Variants in SFSWAP observed in about 807,000 individuals in gnomAD.
The protein encoded by SFSWAP is splicing factor, suppressor of white-apricot homolog.
In SFSWAP, 17 loss-of-function variants were observed where a neutral mutation model predicts 100.7. That is an observed-to-expected ratio of 0.17 (90% CI 0.12 to 0.25). The LOEUF (loss-of-function observed/expected upper bound fraction) is 0.25, where lower values mean the gene tolerates loss of function less well. Ranked by LOEUF, SFSWAP falls within the 10% of genes least tolerant of loss-of-function variation. The probability of loss-of-function intolerance (pLI) is 1.00; values close to 1 mark genes in which losing one functional copy is unlikely to be tolerated. For missense variants in SFSWAP, 1,005 were observed against 1,262.6 expected, an observed-to-expected ratio of 0.80 and a Z score of 3.09; for synonymous variants, 504 against 510.1, an observed-to-expected ratio of 0.99 and a Z score of 0.16.
chr12:131,735,372 G>T (rs549285004), intron 7 of SFSWAP, among the ~76,000 whole-genome samples: 1 of 152,066 alleles, frequency 6.6e-6, no homozygotes, highest in East Asian at 1.9e-4. Flanking sequence ...GTACCATTAG[G>T]GTATTAATTT....
At chr12:131,791,273 C>A (rs141092822) in intron 15 of SFSWAP, among the ~76,000 whole-genome samples, 2 of 152,136 alleles carry the variant, frequency 1.3e-5, no homozygotes, top group African/African-American at 4.8e-5. Context: ...CCTGTAATCC[C>A]AGCTACTCGG....
chr12:131,714,011 C>T lies in SFSWAP; in HGVS notation c.219-60C>T, dbSNP rs926761373. On this transcript the variant is annotated intron_variant, in intron 1 of 17. Transcript: ENST00000261674. This position sits in a 1 kb window ranked among gnomAD's most constrained non-coding sequence, Gnocchi z 6.0. ...ATATATATACATATATAAAACATCA[C>T]ACACGCACACCAGTCTAGACGTTAA... The T allele has an allele frequency of 3.1e-6, 4 of 1,279,224 alleles. No homozygotes were observed. The highest frequency in any genetic ancestry group is 1.5e-5 in the African/African-American group (1 of 68,018). The allele number at this position is 1,279,224 out of a possible 1,614,324, so 79.2% of individuals were successfully genotyped here.
rs1429942229 is a variant in SFSWAP at position 131,799,126 on chromosome 12, C to T, written c.2790+17C>T. On this transcript the variant is annotated intron_variant, in intron 17 of 17. Transcript: ENST00000261674. ...ATCACTCAGGTCAGTGGGCACGCCC[C>T]CCTCCCGCTCCCAGCCTTTCATCAA... 6 of 1,595,352 alleles carry T rather than the reference C, an allele frequency of 3.8e-6. No individual in the cohort carries two copies. Among genetic ancestry groups the T allele is most frequent in the Non-Finnish European group, 5.2e-6 (6 of 1,163,144 alleles).
In SFSWAP at chr12:131,727,347, C is replaced by T. The variant is rs192978104; in HGVS notation, c.945+295C>T. ...GTTCCAAGTAGAGTGTTGGTTAAGA[C>T]TTGAAAATTGTTTTGTTGTGCGGGT... is the stretch of plus-strand genomic sequence containing the variant. On this transcript the variant is annotated intron_variant, in intron 6 of 17. Coordinates refer to ENST00000261674, the MANE Select transcript of SFSWAP (RefSeq NM_004592.4). 8.1e-3 allele frequency among the ~76,000 whole-genome samples: 1,228 copies of T among 152,258 alleles called. 50 individuals carry two copies. The highest frequency in any genetic ancestry group is 0.018 in the East Asian group (92 of 5,168).
intron 7 of SFSWAP, among the ~76,000 whole-genome samples, chr12:131,728,904 A>G (rs536347401): frequency 6.6e-6 from 1 of 152,190 alleles, no homozygotes; most frequent in Admixed American, 6.5e-5. Flanking sequence ...TATGTTGCCC[A>G]GGCTGGTCTC....
chr12:131,719,180 C>T (rs148569994), intron 3 of SFSWAP, among the ~76,000 whole-genome samples: 222 of 152,254 alleles, frequency 1.5e-3, no homozygotes, highest in Admixed American at 2.2e-3. Context: ...CAGTCCCCTG[C>T]GTATACCAAG....
chr12:131,753,439 T>TG (rs1266986652), intron 8 of SFSWAP, 76 bp downstream of exon 8: 1 of 1,503,476 alleles, frequency 6.7e-7, no homozygotes, highest in Non-Finnish European at 8.9e-7. Flanking sequence ...TGTGTCTCCA[T>TG]GGGGGGCTTG....
chr12:131,759,789 G>A (rs1449434004), intron 11 of SFSWAP, among the ~76,000 whole-genome samples: 4 of 149,778 alleles, frequency 2.7e-5, no homozygotes, highest in East Asian at 1.9e-4. Context: ...GTGACAGAGC[G>A]AGACTCCGTC....
chr12:131,791,641 A>C (rs1026228138), intron 15 of SFSWAP, among the ~76,000 whole-genome samples: 2 of 151,956 alleles, frequency 1.3e-5, no homozygotes, highest in East Asian at 3.9e-4. Flanking sequence ...AATCCCAGCT[A>C]CCTGGGAGGC....
chr12:131,776,829 A>AAGTGAGGAGAG (rs1884062872), intron 13 of SFSWAP, among the ~76,000 whole-genome samples: 1 of 152,234 alleles, frequency 6.6e-6, no homozygotes, highest in Admixed American at 6.5e-5. Context: ...AATTCACTTG[A>AAGTGAGGAGAG]AGTGAGGAGA....
intron 11 of SFSWAP, among the ~76,000 whole-genome samples, chr12:131,763,072 C>A (rs760982350): frequency 3.9e-5 from 6 of 152,046 alleles, no homozygotes; most frequent in Non-Finnish European, 8.8e-5. Context: ...TTGTGTGTGC[C>A]CTGTCCCCTG....
intron 9 of SFSWAP, 77 bp from the exon 10 acceptor site, chr12:131,755,309 C>A: frequency 1.0e-6 from 1 of 982,746 alleles, no homozygotes; most frequent in Non-Finnish European, 1.6e-6. Flanking sequence ...CAGTAAAGAG[C>A]TAGGAGAACA....
Position 131,725,362 on chromosome 12 carries a change from A to G in SFSWAP, c.607-43A>G. 1.3e-6 allele frequency: 2 copies of G among 1,507,388 alleles called. No individual in the cohort carries two copies. The highest frequency in any genetic ancestry group is 1.8e-6 in the Non-Finnish European group (2 of 1,085,352). 93.4% of individuals were successfully genotyped at this position (1,507,388 alleles called of 1,614,324 possible). On this transcript the variant is annotated intron_variant, in intron 4 of 17. Coordinates refer to ENST00000261674, the MANE Select transcript of SFSWAP (RefSeq NM_004592.4). This position sits in a 1 kb window ranked among gnomAD's most constrained non-coding sequence, Gnocchi z 4.3. ...TAATGAAATCACGTGGCCGGTGGACAAGAGGACAAATGGGTGACGTGAATA... is the reference window on the plus strand; with the variant it reads ...TAATGAAATCACGTGGCCGGTGGACGAGAGGACAAATGGGTGACGTGAATA...
At chr12:131,744,803 C>T (rs1028975069) in intron 7 of SFSWAP, among the ~76,000 whole-genome samples, 4 of 152,194 alleles carry the variant, frequency 2.6e-5, no homozygotes, top group Non-Finnish European at 5.9e-5. Context: ...CTTAACAGTT[C>T]CACATGGCTG....
At chr12:131,758,686 C>T (rs1214059542) in intron 11 of SFSWAP, among the ~76,000 whole-genome samples, 1 of 152,220 alleles carries the variant, frequency 6.6e-6, no homozygotes, top group African/African-American at 2.4e-5. Context: ...GTGGCTCACG[C>T]CCATAATGCC....
intron 4 of SFSWAP, among the ~76,000 whole-genome samples, chr12:131,722,646 A>G (rs1420377683): frequency 6.6e-6 from 1 of 152,072 alleles, no homozygotes; most frequent in Non-Finnish European, 1.5e-5. Flanking sequence ...CTCTCAGTTA[A>G]TACTCAAAAT....
chr12:131,750,157 C>T (rs559208921), intron 7 of SFSWAP, among the ~76,000 whole-genome samples: 21 of 152,218 alleles, frequency 1.4e-4, no homozygotes, highest in East Asian at 1.2e-3. Context: ...ATGGATCTGA[C>T]GTCCTCCCTT....
intron 1 of SFSWAP, chr12:131,713,068 A>G (rs986640968): frequency 1.3e-5 from 2 of 152,160 alleles, no homozygotes; most frequent in African/African-American, 4.8e-5. Context: ...TTTCCTGTAA[A>G]TGTCTTTTTT....
chr12:131,775,393 C>T (rs1883937883), intron 13 of SFSWAP, among the ~76,000 whole-genome samples: 2 of 152,192 alleles, frequency 1.3e-5, no homozygotes, highest in African/African-American at 4.8e-5. Context: ...TGTTGAGGTT[C>T]CCAATGGCGT....
Sources: allele counts gnomAD v4.1 joint callset (sites outside exome capture counted in the v4.1 genomes callset), GRCh38; gene constraint gnomAD v4.1.1; non-coding constraint Gnocchi (gnomAD v3.1); transcripts MANE v1.5; gene names NCBI Gene and HGNC (gene_info 2026-07-23, HGNC 2026-07-21).